TRAPPC9: variants seen among roughly 807,000 people sequenced by gnomAD.
TRAPPC9 encodes the protein IKK2 binding protein.
In TRAPPC9, 83 loss-of-function variants were observed where a neutral mutation model predicts 124.0. The ratio of observed to expected loss-of-function variants is 0.67; its 90% CI spans 0.56 to 0.80. The LOEUF is 0.80. TRAPPC9 is among the 30% of genes least tolerant of loss of function. The probability of loss-of-function intolerance (pLI) is 0.00; values close to 1 mark genes in which losing one functional copy is unlikely to be tolerated. For synonymous variants in TRAPPC9, 638 were observed against 617.5 expected, an observed-to-expected ratio of 1.03 and a Z score of -0.49; for missense variants, 1,302 against 1,508.3, an observed-to-expected ratio of 0.86 and a Z score of 2.27.
At chr8:140,258,376 CTCTATAATAA>C (rs1319463453) in intron 15 of TRAPPC9, among the ~76,000 whole-genome samples, 1 of 152,268 alleles carries the variant, frequency 6.6e-6, no homozygotes, top group Non-Finnish European at 1.5e-5. Flanking sequence ...CATCTTCTTC[CTCTATAATAA>C]TCTATAGAAC....
chr8:140,315,802 C>A (rs543016500), intron 9 of TRAPPC9, among the ~76,000 whole-genome samples: 4 of 152,282 alleles, frequency 2.6e-5, no homozygotes, highest in African/African-American at 9.6e-5. Flanking sequence ...ACAGGAAACA[C>A]TGTCAAATAT....
intron 18 of TRAPPC9, among the ~76,000 whole-genome samples, chr8:140,000,158 C>T (rs1043408259): frequency 6.6e-6 from 1 of 152,124 alleles, no homozygotes; most frequent in Non-Finnish European, 1.5e-5. Context: ...ATAAGTGGTG[C>T]TGGGAAAACT....
chr8:140,367,844 G>A (rs2068167315), intron 8 of TRAPPC9, among the ~76,000 whole-genome samples: 1 of 152,180 alleles, frequency 6.6e-6, no homozygotes, highest in African/African-American at 2.4e-5. Flanking sequence ...AGGTAAGTGG[G>A]TCATCAGCCT....
chr8:140,367,868 C>T (rs1023759756), intron 8 of TRAPPC9, among the ~76,000 whole-genome samples: 2 of 152,140 alleles, frequency 1.3e-5, no homozygotes, highest in Non-Finnish European at 2.9e-5. Flanking sequence ...TTCACACATC[C>T]TCATGGTCCA....
intron 19 of TRAPPC9, among the ~76,000 whole-genome samples, chr8:139,950,114 T>C (rs1237058853): frequency 1.3e-5 from 2 of 152,116 alleles, no homozygotes; most frequent in African/African-American, 4.8e-5. Context: ...GAGTGGTAAG[T>C]CCAGCTTCAG....
intron 17 of TRAPPC9, among the ~76,000 whole-genome samples, chr8:140,140,530 C>T (rs549958440): frequency 6.6e-6 from 1 of 152,280 alleles, no homozygotes; most frequent in Admixed American, 6.5e-5. Flanking sequence ...CTCTTCTATA[C>T]ATCAATCAGC....
chr8:140,021,094 A>G lies in TRAPPC9; in HGVS notation c.2699+2843T>C, dbSNP rs976453088. ...TTTAAAGGTAGTATTAAATCTATTT[A>G]CGTTTAGTGTAACTCTGGATACAGT... is the stretch of plus-strand genomic sequence containing the variant. On this transcript the variant is annotated intron_variant, in intron 18 of 22. Transcript: ENST00000438773. Among the ~76,000 whole-genome samples, 6 of 152,334 alleles carry G rather than the reference A, an allele frequency of 3.9e-5. No individual in the cohort carries two copies. In the East Asian group the frequency reaches 1.2e-3, roughly 29 times the overall value.
rs538111813 is a variant in TRAPPC9, at chr8:140,273,190, C to T, written c.2278+2468G>A. Among the ~76,000 whole-genome samples, 19 of 152,352 alleles carry T rather than the reference C, an allele frequency of 1.2e-4. No individual in the cohort carries two copies. In the South Asian group the frequency reaches 3.1e-3, roughly 25 times the overall value. ...TCTCAGTTGCCGCTCCTGGGTACTTCCTCTCAACTTCTGGGCCACACTCGT... is the reference window on the plus strand; with the variant it reads ...TCTCAGTTGCCGCTCCTGGGTACTTTCTCTCAACTTCTGGGCCACACTCGT... On this transcript the variant is annotated intron_variant, in intron 15 of 22. Coordinates refer to ENST00000438773, the MANE Select transcript of TRAPPC9 (RefSeq NM_001160372.4).
chr8:140,088,285 T>C (rs1420726673), intron 17 of TRAPPC9, among the ~76,000 whole-genome samples: 1 of 152,212 alleles, frequency 6.6e-6, no homozygotes, highest in Admixed American at 6.5e-5. Context: ...TGACAGATAG[T>C]AGGTGCTCAG....
At chr8:139,956,684 C>A (rs1208732564) in intron 19 of TRAPPC9, among the ~76,000 whole-genome samples, 1 of 152,236 alleles carries the variant, frequency 6.6e-6, no homozygotes, top group Non-Finnish European at 1.5e-5. Context: ...CAGAGCCTGG[C>A]GCCTGTGGAT....
chr8:140,210,051 C>T (rs1197815509), intron 17 of TRAPPC9, among the ~76,000 whole-genome samples: 1 of 152,234 alleles, frequency 6.6e-6, no homozygotes, highest in Non-Finnish European at 1.5e-5. Flanking sequence ...AATCTGTAAA[C>T]ACTGTCACCG....
At chr8:140,346,479 G>A (rs1395239445) in intron 9 of TRAPPC9, among the ~76,000 whole-genome samples, 1 of 152,232 alleles carries the variant, frequency 6.6e-6, no homozygotes, top group Non-Finnish European at 1.5e-5. Context: ...GGAGTCCTGA[G>A]GGTCTACTAA....
chr8:140,222,183 C>A (rs1006685992), intron 16 of TRAPPC9, among the ~76,000 whole-genome samples: 1 of 152,152 alleles, frequency 6.6e-6, no homozygotes, highest in African/African-American at 2.4e-5. Flanking sequence ...AGCCAGCTCT[C>A]TCTTGCCGCT....
intron 19 of TRAPPC9, among the ~76,000 whole-genome samples, chr8:139,955,583 G>A (rs1457768284): frequency 6.6e-6 from 1 of 152,210 alleles, no homozygotes. Flanking sequence ...CAGGCAGCCA[G>A]TCCAGAAACA....
chr8:140,090,767 C>T (rs990029700), intron 17 of TRAPPC9, among the ~76,000 whole-genome samples: 3 of 152,238 alleles, frequency 2.0e-5, no homozygotes, highest in East Asian at 1.9e-4. Context: ...TGCCTGGCTC[C>T]GATCTTGAGC....
rs368273172 is a variant in TRAPPC9 at position 140,227,116 on chromosome 8, C to T, written c.2432-5533G>A. Among the ~76,000 whole-genome samples, 17 of 152,218 alleles carry T rather than the reference C, an allele frequency of 1.1e-4. No homozygotes were observed. In the East Asian group the frequency reaches 2.1e-3, roughly 19 times the overall value. On this transcript the variant is annotated intron_variant, in intron 16 of 22. Transcript: ENST00000438773. ...TTCGGAAAACTGAAGCTGAGCCCTT[C>T]GCCCATACAGGAACAGAGCTGGAGA...
At chr8:139,899,391 A>G (rs1830879188) in intron 20 of TRAPPC9, among the ~76,000 whole-genome samples, 1 of 152,218 alleles carries the variant, frequency 6.6e-6, no homozygotes, top group African/African-American at 2.4e-5. Flanking sequence ...GCTAGAGAAA[A>G]GAAAATATTA....
chr8:140,177,271 ATC>A (rs2062090704), intron 17 of TRAPPC9, among the ~76,000 whole-genome samples: 1 of 152,182 alleles, frequency 6.6e-6, no homozygotes, highest in African/African-American at 2.4e-5. Context: ...ACTGCTTTAT[ATC>A]TCTTATATTT....
At position 140,343,440 on chromosome 8, in the gene TRAPPC9, G is replaced by A. The variant is rs186940969; in HGVS notation, c.1495+16610C>T. ...TTACAAGCCATGAGAAATCTCACTGGGCCACGTCGTGAATCTGACTTGGGA... is the reference window on the plus strand; with the variant it reads ...TTACAAGCCATGAGAAATCTCACTGAGCCACGTCGTGAATCTGACTTGGGA... On this transcript the variant is annotated intron_variant, in intron 9 of 22. Coordinates refer to ENST00000438773, the MANE Select transcript of TRAPPC9 (RefSeq NM_001160372.4). 3.3e-5 allele frequency among the ~76,000 whole-genome samples: 5 copies of A among 152,300 alleles called. No homozygotes were observed. In the East Asian group the frequency reaches 9.6e-4, roughly 29 times the overall value.
Sources: allele counts gnomAD v4.1 joint callset (sites outside exome capture counted in the v4.1 genomes callset), GRCh38; gene constraint gnomAD v4.1.1; transcripts MANE v1.5; gene names NCBI Gene and HGNC (gene_info 2026-07-23, HGNC 2026-07-21).